Variants in UBE2O observed in about 807,000 individuals in gnomAD.
UBE2O encodes (E3-independent) E2 ubiquitin-conjugating enzyme.
In UBE2O, 15 loss-of-function variants were observed where a neutral mutation model predicts 125.8. That is an observed-to-expected ratio of 0.12 (90% CI 0.08 to 0.18). The LOEUF is 0.18. UBE2O is among the 10% of genes least tolerant of loss of function. The pLI is 1.00. For missense variants in UBE2O, 1,280 were observed against 1,723.6 expected (o/e 0.74, Z 4.56); for synonymous variants, 708 against 703.2 (o/e 1.01, Z -0.11).
rs1424262161 is a variant in UBE2O, at chr17:76,402,055, G to T, written c.750+9C>A. The T allele has an allele frequency of 9.3e-6, 15 of 1,613,260 alleles. No homozygotes were observed. The highest frequency in any genetic ancestry group is 1.3e-5 in the Non-Finnish European group (15 of 1,179,862). ...AGAGAAGGGTGCTGGCCTGGATGGA[G>T]CACACTACCGAGTCGCTGACGTGCG... On this transcript the variant is annotated intron_variant, in intron 5 of 17. Transcript: ENST00000319380. The surrounding 1 kb of genome is among the most constrained non-coding windows in gnomAD (Gnocchi z 5.4).
chr17:76,399,098 ACT>A lies in UBE2O; in HGVS notation c.1629-109_1629-108del, dbSNP rs1280906158. On this transcript the variant is annotated intron_variant, in intron 9 of 17. Transcript: ENST00000319380. The surrounding 1 kb of genome is among the most constrained non-coding windows in gnomAD (Gnocchi z 6.9). Reference sequence around the variant, plus strand: ...GTCCCTGTGGGCTTGGTAACCTGAAACTCTGAATCCCAGGTTGGCAGGATGAG... The same window carrying A: ...GTCCCTGTGGGCTTGGTAACCTGAAACTGAATCCCAGGTTGGCAGGATGAG... 6.4e-6 allele frequency: 9 copies of A among 1,411,986 alleles called. No homozygotes were observed. In the East Asian group the frequency reaches 2.2e-4, roughly 34 times the overall value. 87.5% of individuals were successfully genotyped at this position (1,411,986 alleles called of 1,614,324 possible).
In UBE2O at chr17:76,453,109, A is replaced by AGCTGCGGGCGTGGGG; in HGVS notation, c.18_32dup (p.Thr8_Pro12dup). 1.1e-6 allele frequency: 1 copy of AGCTGCGGGCGTGGGG among 878,296 alleles called. No homozygotes were observed. Among genetic ancestry groups the AGCTGCGGGCGTGGGG allele is most frequent in the Non-Finnish European group, 1.6e-6 (1 of 641,038 alleles). 54.4% of individuals were successfully genotyped at this position (878,296 alleles called of 1,614,324 possible). Reference sequence around the variant, plus strand: ...GAGCCGGGGCCTGGGCTGGAGCGGGAGCTGCGGGCGTGGGGGCTGCGGGAT... The same window carrying AGCTGCGGGCGTGGGG: ...GAGCCGGGGCCTGGGCTGGAGCGGGAGCTGCGGGCGTGGGGGCTGCGGGCGTGGGGGCTGCGGGAT... On this transcript the variant is annotated inframe_insertion, in exon 1 of 18. Transcript: ENST00000319380.
intron 1 of UBE2O, among the ~76,000 whole-genome samples, chr17:76,440,898 T>A (rs1362928414): frequency 2.6e-5 from 4 of 152,246 alleles, no homozygotes; most frequent in Non-Finnish European, 4.4e-5. Context: ...AAAGTTTGGC[T>A]GGCCCCTTAT....
rs1407251628 is a variant in UBE2O, at chr17:76,399,876, A to T, written c.1201T>A (p.Ser401Thr). 7 of 1,612,982 alleles carry T rather than the reference A, an allele frequency of 4.3e-6. No individual in the cohort carries two copies. Among genetic ancestry groups the T allele is most frequent in the Non-Finnish European group, 1.7e-6 (2 of 1,179,530 alleles). The change falls in exon 9 of 18, where the codon TCC becomes ACC. Residue 401 changes from serine to threonine, a missense_variant. By Grantham distance (58) the Ser-to-Thr change is moderately conservative. This residue lies in a region of UBE2O where 141 missense variants were observed against 141.3 expected (regional missense o/e 1.00). Coordinates refer to ENST00000319380, the MANE Select transcript of UBE2O (RefSeq NM_022066.4). This position sits in a 1 kb window ranked among gnomAD's most constrained non-coding sequence, Gnocchi z 6.9. ...KKQVVRIMSC[S>T]PDTQCSRDHS... The stretch of plus-strand genomic sequence containing the variant: ...TCCCGGGAACACTGGGTGTCTGGGG[A>T]GCATGACATGATCCGCACAACCTGC...
At chr17:76,424,211 T>TC (rs984711722) in intron 1 of UBE2O, among the ~76,000 whole-genome samples, 1 of 146,134 alleles carries the variant, frequency 6.8e-6, no homozygotes, top group East Asian at 2.0e-4. Flanking sequence ...CCCGGCCTTT[T>TC]TTTTTTTTTT....
Position 76,405,656 on chromosome 17 carries a change from G to A in UBE2O, c.418-84C>T, listed in dbSNP as rs1023021388. 15 of 1,228,776 alleles carry A rather than the reference G, an allele frequency of 1.2e-5. No individual in the cohort carries two copies. The highest frequency in any genetic ancestry group is 4.5e-5 in the African/African-American group (3 of 67,018). The allele number at this position is 1,228,776 out of a possible 1,614,324, so 76.1% of individuals were successfully genotyped here. ...TTTCTTCCAGCTTCTGAAGGAAAGC[G>A]TCACATCCACACTGCTAAGTGCACA... On this transcript the variant is annotated intron_variant, in intron 1 of 17. Transcript: ENST00000319380. The surrounding 1 kb of genome is among the most constrained non-coding windows in gnomAD (Gnocchi z 6.1).
chr17:76,414,324 C>G (rs894726648), intron 1 of UBE2O, among the ~76,000 whole-genome samples: 6 of 152,134 alleles, frequency 3.9e-5, no homozygotes, highest in Non-Finnish European at 8.8e-5. Context: ...GACAAGAATA[C>G]AAATATATAA....
rs150209609 is a variant in UBE2O, at chr17:76,391,462, G to A, written c.3360C>T (p.Pro1120=). The change falls in exon 18 of 18, where the codon CCC becomes CCT. Residue 1120 remains proline, a synonymous_variant. Coordinates refer to ENST00000319380, the MANE Select transcript of UBE2O (RefSeq NM_022066.4). The surrounding 1 kb of genome is among the most constrained non-coding windows in gnomAD (Gnocchi z 8.4). ...GCCTGATCTCCTGCTCAAAGACCTCGGGGGGCCGCCGCACCAGCTGGGTCA... is the reference window on the plus strand; with the variant it reads ...GCCTGATCTCCTGCTCAAAGACCTCAGGGGGCCGCCGCACCAGCTGGGTCA... The part of the protein sequence containing the change: ...QSMTQLVRRP[P]EVFEQEIRQH... 2.7e-5 allele frequency: 44 copies of A among 1,613,714 alleles called. No individual in the cohort carries two copies. Among genetic ancestry groups the A allele is most frequent in the African/African-American group, 5.3e-5 (4 of 74,948 alleles).
intron 1 of UBE2O, among the ~76,000 whole-genome samples, chr17:76,414,113 A>AAAAGCAAAGC (rs2072559534): frequency 6.6e-6 from 1 of 152,196 alleles, no homozygotes; most frequent in Admixed American, 6.5e-5. Context: ...AGCAAAGCAC[A>AAAAGCAAAGC]AATGGCCAGG....
intron 1 of UBE2O, among the ~76,000 whole-genome samples, chr17:76,425,830 C>T (rs895325050): frequency 4.6e-5 from 7 of 152,116 alleles, no homozygotes; most frequent in South Asian, 2.1e-4. Flanking sequence ...TTTTTCTTGT[C>T]GATCTCTCTC....
Position 76,399,041 on chromosome 17 carries a change from G to C in UBE2O, c.1629-50C>G, listed in dbSNP as rs371152354. ...GCCATGCAAACCCCACCCCCTCCGCGGAAAGGGCAGAGAGTCTTTCTGTCC... is the reference window on the plus strand; with the variant it reads ...GCCATGCAAACCCCACCCCCTCCGCCGAAAGGGCAGAGAGTCTTTCTGTCC... On this transcript the variant is annotated intron_variant, in intron 9 of 17. Coordinates refer to ENST00000319380, the MANE Select transcript of UBE2O (RefSeq NM_022066.4). This position sits in a 1 kb window ranked among gnomAD's most constrained non-coding sequence, Gnocchi z 6.9. 63 of 1,595,506 alleles carry C rather than the reference G, an allele frequency of 3.9e-5. No individual in the cohort carries two copies. The highest frequency in any genetic ancestry group is 5.0e-5 in the Non-Finnish European group (59 of 1,172,158).
chr17:76,451,779 G>GT (rs1555611641), intron 1 of UBE2O, among the ~76,000 whole-genome samples: 22,281 of 137,238 alleles, frequency 0.16, 1,726 homozygotes, highest in East Asian at 0.23. Flanking sequence ...GATACAGGGG[G>GT]GTGTGTGTGT....
Position 76,399,635 on chromosome 17 carries a change from T to C in UBE2O, c.1442A>G (p.Asp481Gly). 6.2e-7 allele frequency: 1 copy of C among 1,614,172 alleles called. No homozygotes were observed. Among genetic ancestry groups the C allele is most frequent in the Middle Eastern group, 1.6e-4 (1 of 6,062 alleles). ...GTCCGTGTCATCAGCAGCCTCATCA[T>C]CTGCGTCCTGCTCTGCCGAGTGCAG... is the stretch of plus-strand genomic sequence containing the variant. ...DRLHSAEQDA[D>G]DEAADDTDDT... The change falls in exon 9 of 18, where the codon GAT becomes GGT. Residue 481 changes from aspartate (D) to glycine (G), a missense_variant. Asp to Gly is a moderately conservative substitution (Grantham distance 94). Transcript: ENST00000319380. This position sits in a 1 kb window ranked among gnomAD's most constrained non-coding sequence, Gnocchi z 6.9.
chr17:76,424,612 T>C (rs1450061994), intron 1 of UBE2O, among the ~76,000 whole-genome samples: 1 of 152,100 alleles, frequency 6.6e-6, no homozygotes, highest in African/African-American at 2.4e-5. Flanking sequence ...AGGTGGCTCA[T>C]GTCTGTAATT....
chr17:76,450,822 T>C (rs1349361359), intron 1 of UBE2O, among the ~76,000 whole-genome samples: 1 of 152,180 alleles, frequency 6.6e-6, no homozygotes, highest in Non-Finnish European at 1.5e-5. Context: ...GGTTTCTCCA[T>C]GTTGGTCAGG....
At position 76,391,736 on chromosome 17, in the gene UBE2O, C is replaced by T. The variant is rs775855590; in HGVS notation, c.3208+20G>A. On this transcript the variant is annotated intron_variant, in intron 17 of 17. Coordinates refer to ENST00000319380, the MANE Select transcript of UBE2O (RefSeq NM_022066.4). The surrounding 1 kb of genome is among the most constrained non-coding windows in gnomAD (Gnocchi z 8.4). ...CACCGGCCCTCCCTTGTCCGCACCC[C>T]CGCTTCAGCCCAACTGTACCTTGGA... 84 of 1,613,492 alleles carry T rather than the reference C, an allele frequency of 5.2e-5. 1 individual carries two copies. The South Asian group carries it at 8.8e-4, about 17-fold the overall frequency.
At chr17:76,425,206 CTTCTCAAG>C (rs1189677736) in intron 1 of UBE2O, among the ~76,000 whole-genome samples, 1 of 124,322 alleles carries the variant, frequency 8.0e-6, no homozygotes, top group African/African-American at 3.1e-5. Flanking sequence ...AATGTGGTCA[CTTCTCAAG>C]GTCCTTTCGA....
Position 76,396,111 on chromosome 17 carries a change from G to C in UBE2O, c.2809+17C>G. ...AGAAGGCGGGGGAAGGCGAAGACCA[G>C]GCAAGGGCTGACTCACAGGGTGCAA... On this transcript the variant is annotated intron_variant, in intron 14 of 17. Coordinates refer to ENST00000319380, the MANE Select transcript of UBE2O (RefSeq NM_022066.4). This position sits in a 1 kb window ranked among gnomAD's most constrained non-coding sequence, Gnocchi z 6.7. 2 of 1,610,066 alleles carry C rather than the reference G, an allele frequency of 1.2e-6. No individual in the cohort carries two copies. Among genetic ancestry groups the C allele is most frequent in the Non-Finnish European group, 1.7e-6 (2 of 1,178,094 alleles).
In UBE2O at chr17:76,400,408, C is replaced by A; in HGVS notation, c.1004+33G>T. 6.2e-7 allele frequency: 1 copy of A among 1,600,080 alleles called. No homozygotes were observed. The highest frequency in any genetic ancestry group is 2.2e-5 in the East Asian group (1 of 44,720). On this transcript the variant is annotated intron_variant, in intron 7 of 17. Transcript: ENST00000319380. This position sits in a 1 kb window ranked among gnomAD's most constrained non-coding sequence, Gnocchi z 4.3. ...GGCCCAGAGCCCTGTCCCACGCGTG[C>A]CCCTGGGTTGCTGGCAGTAAGGGCA...
Sources: gnomAD v4.1 joint callset for allele counts (sites outside exome capture counted in the v4.1 genomes callset) on GRCh38, gnomAD v4.1.1 for gene constraint, gnomAD v4.1.1 regional missense constraint, Gnocchi (gnomAD v3.1) non-coding constraint, MANE v1.5 for transcripts, NCBI Gene and HGNC (gene_info 2026-07-23, HGNC 2026-07-21) for gene names.